UNC5D: variants seen among roughly 807,000 people sequenced by gnomAD.
UNC5D encodes the protein unc-5 netrin receptor D.
In UNC5D, 39 loss-of-function variants were observed where a neutral mutation model predicts 105.4. The observed-to-expected ratio is 0.37, with a 90% confidence interval of 0.29 to 0.48. UNC5D has a LOEUF of 0.48. UNC5D is among the 20% of genes least tolerant of loss of function. UNC5D has a pLI of 0.98. For synonymous variants in UNC5D, 452 were observed against 450.4 expected (o/e 1.00, Z -0.04); for missense variants, 991 against 1,202.4 (o/e 0.82, Z 2.60).
intron 4 of UNC5D, among the ~76,000 whole-genome samples, chr8:35,682,046 C>G (rs1341219013): frequency 1.3e-5 from 2 of 152,164 alleles, no homozygotes; most frequent in African/African-American, 4.8e-5. Context: ...CTCACTGTAA[C>G]CTCTGCCTCC....
chr8:35,724,259 A>ATCATGGAACTAATGATAC, intron 9 of UNC5D: 1 of 1,534,098 alleles, frequency 6.5e-7, no homozygotes, highest in Non-Finnish European at 8.7e-7. Context: ...AGCCAAGAAT[A>ATCATGGAACTAATGATAC]TCATGGAACT....
Position 35,722,317 on chromosome 8 carries a change from G to C in UNC5D, c.1225G>C (p.Asp409His). 6.2e-7 allele frequency: 1 copy of C among 1,614,158 alleles called. No homozygotes were observed. Among genetic ancestry groups the C allele is most frequent in the Non-Finnish European group, 8.5e-7 (1 of 1,180,028 alleles). ...CACCCTTTACAGACGGAGCCAGAGT[G>C]ACTATGGCGTGGACGTCATTGACTC... ...GVTLYRRSQS[D>H]YGVDVIDSSA... is the part of the protein sequence containing the mutation. Residue 409 changes from aspartate to histidine, a missense_variant, in exon 9 of 17, where the codon GAC (aspartate) becomes CAC (histidine). Physicochemically the swap from Asp to His is moderately conservative, Grantham distance 81. Transcript: ENST00000404895.
chr8:35,323,868 C>T (rs1261559187), intron 1 of UNC5D, among the ~76,000 whole-genome samples: 1 of 152,024 alleles, frequency 6.6e-6, no homozygotes, highest in African/African-American at 2.4e-5. Flanking sequence ...TATTCATTTT[C>T]GTTAGGAAAA....
chr8:35,719,134 G>GTGCT (rs1388177720), intron 8 of UNC5D, among the ~76,000 whole-genome samples: 1 of 114,598 alleles, frequency 8.7e-6, no homozygotes, highest in African/African-American at 3.2e-5. Flanking sequence ...ACATGCACAT[G>GTGCT]TGCTTATACA....
chr8:35,553,109 T>C (rs183716605), intron 2 of UNC5D, among the ~76,000 whole-genome samples: 2 of 152,278 alleles, frequency 1.3e-5, no homozygotes, highest in East Asian at 3.9e-4. Flanking sequence ...AAGAATATTG[T>C]AAAATGATCA....
At chr8:35,246,321 C>A (rs1398206481) in intron 1 of UNC5D, among the ~76,000 whole-genome samples, 1 of 152,092 alleles carries the variant, frequency 6.6e-6, no homozygotes, top group Non-Finnish European at 1.5e-5. Context: ...ATAGAAATTG[C>A]AGGACAAGTT....
At chr8:35,540,460 TGTG>T (rs1815196327) in intron 1 of UNC5D, among the ~76,000 whole-genome samples, 1 of 151,736 alleles carries the variant, frequency 6.6e-6, no homozygotes, top group African/African-American at 2.4e-5. Context: ...TGTGTGTGTG[TGTG>T]TGTGTGTGTG....
chr8:35,476,323 G>C (rs951865383), intron 1 of UNC5D, among the ~76,000 whole-genome samples: 1 of 152,178 alleles, frequency 6.6e-6, no homozygotes, highest in African/African-American at 2.4e-5. Context: ...TGGCTATGCT[G>C]TGAGGTCAAC....
chr8:35,294,939 C>T (rs894819166), intron 1 of UNC5D, among the ~76,000 whole-genome samples: 17 of 152,190 alleles, frequency 1.1e-4, no homozygotes, highest in East Asian at 3.9e-4. Flanking sequence ...ATGAAAAATA[C>T]GCAAGAACCA....
intron 8 of UNC5D, among the ~76,000 whole-genome samples, chr8:35,709,437 C>T (rs1827799432): frequency 6.6e-6 from 1 of 152,078 alleles, no homozygotes; most frequent in Non-Finnish European, 1.5e-5. Context: ...GTCCTGTAAT[C>T]CCAGCATTTG....
chr8:35,383,135 C>T (rs1052302493), intron 1 of UNC5D, among the ~76,000 whole-genome samples: 3 of 152,116 alleles, frequency 2.0e-5, no homozygotes, highest in Non-Finnish European at 4.4e-5. Context: ...AATTTACTAT[C>T]GCCCTGATTT....
chr8:35,412,557 T>C (rs1805245572), intron 1 of UNC5D, among the ~76,000 whole-genome samples: 1 of 152,046 alleles, frequency 6.6e-6, no homozygotes, highest in Non-Finnish European at 1.5e-5. Context: ...GCAGAATTCT[T>C]AACCTCTCCC....
At chr8:35,661,263 A>T (rs2131231897) in intron 4 of UNC5D, among the ~76,000 whole-genome samples, 1 of 152,288 alleles carries the variant, frequency 6.6e-6, no homozygotes, top group Admixed American at 6.5e-5. Flanking sequence ...AGGGACTGGC[A>T]TACTGGATGC....
intron 4 of UNC5D, among the ~76,000 whole-genome samples, chr8:35,637,069 C>T (rs553750905): frequency 6.6e-6 from 1 of 152,182 alleles, no homozygotes; most frequent in African/African-American, 2.4e-5. Context: ...ATGATCATGC[C>T]CAGGAACATA....
intron 4 of UNC5D, among the ~76,000 whole-genome samples, chr8:35,659,706 A>T (rs1296735061): frequency 6.6e-6 from 1 of 152,254 alleles, no homozygotes; most frequent in Admixed American, 6.5e-5. Flanking sequence ...TCTTGTCTCC[A>T]CAGCAAGTGC....
intron 1 of UNC5D, among the ~76,000 whole-genome samples, chr8:35,336,538 C>T (rs16883835): frequency 0.033 from 4,986 of 152,208 alleles, 272 homozygotes; most frequent in African/African-American, 0.11. Context: ...TTCAATGCTG[C>T]TACTCTTTTG....
At chr8:35,312,516 T>C (rs1018494769) in intron 1 of UNC5D, among the ~76,000 whole-genome samples, 1 of 152,204 alleles carries the variant, frequency 6.6e-6, no homozygotes, top group African/African-American at 2.4e-5. Context: ...TTTAGCTTCA[T>C]CTGTCTATGT....
intron 1 of UNC5D, among the ~76,000 whole-genome samples, chr8:35,413,124 A>G (rs1805283243): frequency 6.6e-6 from 1 of 152,030 alleles, no homozygotes; most frequent in Admixed American, 6.6e-5. Context: ...TGGTTTGTTT[A>G]CTTCAAGGGG....
intron 4 of UNC5D, among the ~76,000 whole-genome samples, chr8:35,676,102 C>T (rs866157526): frequency 6.6e-6 from 1 of 152,072 alleles, no homozygotes; most frequent in Non-Finnish European, 1.5e-5. Flanking sequence ...ACTAGAAGCT[C>T]ATCAGTTGCA....
Sources: gnomAD v4.1 joint callset for allele counts (sites outside exome capture counted in the v4.1 genomes callset) on GRCh38, gnomAD v4.1.1 for gene constraint, MANE v1.5 for transcripts, NCBI Gene and HGNC (gene_info 2026-07-23, HGNC 2026-07-21) for gene names.